The following TET2 variants were observed in gnomAD, a reference collection of about 807,000 sequenced individuals.
The protein encoded by TET2 is tet methylcytosine dioxygenase 2, also known as methylcytosine dioxygenase TET2.
Under a neutral mutation model 142.9 loss-of-function variants are expected in TET2, and 299 were observed. The observed-to-expected ratio is 2.09, with a 90% CI of 1.90 to 2.30. The LOEUF is 2.30. Ranked by LOEUF, TET2 falls within the 30% of genes most tolerant of loss-of-function variation. The pLI is 0.00. For missense variants in TET2, 2,418 were observed against 2,378.0 expected (o/e 1.02, Z -0.35); for synonymous variants, 819 against 849.0 (o/e 0.96, Z 0.61).
In TET2 at chr4:105,241,436, AACGC is replaced by A; in HGVS notation, c.3500+9_3500+12del. 6.5e-7 allele frequency: 1 copy of A among 1,549,294 alleles called. No homozygotes were observed. ...GAGAAATCATGGAAGAAAGGTAATTAACGCAAAGGCACAGGGCAGATTAACGTTT... is the reference window on the plus strand; with the variant it reads ...GAGAAATCATGGAAGAAAGGTAATTAAAAGGCACAGGGCAGATTAACGTTT... On this transcript the variant is annotated splice_region_variant and intron_variant, in intron 4 of 10. Transcript: ENST00000380013.
rs1204136165 is a variant in TET2, at chr4:105,275,897, G to A, written c.5387G>A (p.Gly1796Glu). 6.4e-7 allele frequency: 1 copy of A among 1,551,980 alleles called. No individual in the cohort carries two copies. Among genetic ancestry groups the A allele is most frequent in the Non-Finnish European group, 8.7e-7 (1 of 1,147,034 alleles). The change falls in exon 11 of 11, where the codon GGG (glycine) becomes GAG (glutamate). Residue 1796 changes from glycine (G) to glutamate (E), a missense_variant. Gly to Glu is a moderately conservative substitution (Grantham distance 98). Transcript: ENST00000380013. ...ENDMLSHTAN[G>E]LSKMLPALNH... ...GACATGCTTTCCCACACAGCTAATG[G>A]GTTATCAAAGATGCTTCCAGCTCTT... is the stretch of plus-strand genomic sequence containing the variant.
intron 10 of TET2, 73 bp from the exon 11 acceptor site, chr4:105,274,975 C>A (rs2110310663): frequency 6.9e-7 from 1 of 1,449,230 alleles, no homozygotes; most frequent in Non-Finnish European, 9.1e-7. Context: ...ATTTAAGTAT[C>A]CTCACTAGCC....
chr4:105,240,597 G>T, intron 3 of TET2: 1 of 1,079,644 alleles, frequency 9.3e-7, no homozygotes, highest in Non-Finnish European at 1.1e-6. Flanking sequence ...CCCTCTTTGC[G>T]TGTGGTTATT....
intron 2 of TET2, among the ~76,000 whole-genome samples, chr4:105,193,073 T>A (rs186161559): frequency 6.6e-6 from 1 of 152,156 alleles, no homozygotes; most frequent in Non-Finnish European, 1.5e-5. Context: ...GTAAGTGATA[T>A]GGACAAGAAC....
chr4:105,236,146 G>GT lies in TET2; in HGVS notation c.2206dup (p.Ser736PhefsTer18). ...GCAGCACAAACACAACCATCCCAGA[G>GT]TTCACATCTCCCTCAAAACCAGCAA... On this transcript the variant is annotated frameshift_variant, in exon 3 of 11. Transcript: ENST00000380013. LOFTEE classifies it high-confidence loss of function. 6.2e-7 allele frequency: 1 copy of GT among 1,613,986 alleles called. No individual in the cohort carries two copies. The highest frequency in any genetic ancestry group is 8.5e-7 in the Non-Finnish European group (1 of 1,179,988).
chr4:105,164,773 G>A (rs1207299048), intron 1 of TET2, among the ~76,000 whole-genome samples: 1 of 152,176 alleles, frequency 6.6e-6, no homozygotes, highest in Non-Finnish European at 1.5e-5. Flanking sequence ...ACCTGACAGG[G>A]AGATTGCACA....
At chr4:105,198,569 A>G (rs1726238015) in intron 2 of TET2, among the ~76,000 whole-genome samples, 2 of 152,232 alleles carry the variant, frequency 1.3e-5, no homozygotes, top group Admixed American at 1.3e-4. Flanking sequence ...AGTTATGGAG[A>G]AAGAAGCAGT....
chr4:105,193,293 G>A (rs1725894204), intron 2 of TET2, among the ~76,000 whole-genome samples: 1 of 152,150 alleles, frequency 6.6e-6, no homozygotes. Flanking sequence ...GGGCCAGGCA[G>A]AGGGCAAGTG....
At chr4:105,151,859 G>A (rs2110347249) in intron 1 of TET2, among the ~76,000 whole-genome samples, 1 of 152,286 alleles carries the variant, frequency 6.6e-6, no homozygotes, top group African/African-American at 2.4e-5. Context: ...TGGATGACCT[G>A]AGGTCAGGAG....
In TET2 at chr4:105,269,629, C is replaced by T. The variant is rs1730851343; in HGVS notation, c.4064C>T (p.Ala1355Val). ...TTTCAGATTGAATATGAACACAGAG[C>T]ACCAGAGTGCCGTCTGGGTCTGAAG... ...YNNQIEYEHR[A>V]PECRLGLKEG... The change falls in exon 9 of 11, where the codon GCA becomes GTA. Residue 1355 changes from alanine to valine, a missense_variant. By Grantham distance (64) the Ala-to-Val change is moderately conservative. Transcript: ENST00000380013. The T allele has an allele frequency of 6.4e-7, 1 of 1,551,530 alleles. No individual in the cohort carries two copies. Among genetic ancestry groups the T allele is most frequent in the Non-Finnish European group, 8.7e-7 (1 of 1,146,916 alleles).
In TET2 at chr4:105,277,332, T is replaced by A. The variant is rs920228832; in HGVS notation, c.*813T>A. 4.5e-6 allele frequency: 1 copy of A among 224,486 alleles called. No individual in the cohort carries two copies. Among genetic ancestry groups the A allele is most frequent in the African/African-American group, 2.2e-5 (1 of 44,894 alleles). The allele number at this position is 224,486 out of a possible 1,614,324, so 13.9% of individuals were successfully genotyped here. ...ATCCAGTGAAGTCCTTGTAGGACAA[T>A]AAACGTATATATGTACATATATACA... On this transcript the variant is annotated 3_prime_UTR_variant, in exon 11 of 11. Transcript: ENST00000380013.
intron 2 of TET2, among the ~76,000 whole-genome samples, chr4:105,204,266 C>CACACACACACACACACACAT (rs1443852779): frequency 3.6e-5 from 5 of 140,094 alleles, no homozygotes; most frequent in African/African-American, 1.2e-4. Flanking sequence ...CACACACACA[C>CACACACACACACACACACAT]ACATACATAC....
chr4:105,194,089 C>G (rs1578594729), intron 2 of TET2, among the ~76,000 whole-genome samples: 1 of 151,952 alleles, frequency 6.6e-6, no homozygotes, highest in African/African-American at 2.4e-5. Flanking sequence ...TGGTCTAGCC[C>G]AGGTCTCCAT....
intron 6 of TET2, among the ~76,000 whole-genome samples, chr4:105,244,497 A>C (rs1242011031): frequency 6.6e-6 from 1 of 151,738 alleles, no homozygotes; most frequent in Non-Finnish European, 1.5e-5. Context: ...CAGTTGGAAA[A>C]AGCCTCATTT....
At chr4:105,239,902 G>A (rs1021177782) in intron 3 of TET2, 31 of 238,978 alleles carry the variant, frequency 1.3e-4, no homozygotes, top group African/African-American at 6.4e-4. Context: ...CCACTGTAGG[G>A]TTATTAATTG....
chr4:105,153,001 C>G (rs954027706), intron 1 of TET2, among the ~76,000 whole-genome samples: 1 of 152,100 alleles, frequency 6.6e-6, no homozygotes, highest in African/African-American at 2.4e-5. Context: ...TTTCTACAGG[C>G]TATGGCAATT....
chr4:105,164,982 G>A (rs1724077802), intron 1 of TET2, among the ~76,000 whole-genome samples: 1 of 152,138 alleles, frequency 6.6e-6, no homozygotes. Flanking sequence ...TAGCAGGCAT[G>A]ATTTAAAAAG....
chr4:105,259,872 C>A, intron 7 of TET2, 103 bp downstream of exon 7: 1 of 1,175,206 alleles, frequency 8.5e-7, no homozygotes, highest in Non-Finnish European at 1.1e-6. Context: ...TCTTATTAAT[C>A]AAAGTTTTTC....
At position 105,237,283 on chromosome 4, in the gene TET2, C is replaced by G. The variant is rs564371231; in HGVS notation, c.3341C>G (p.Thr1114Ser). 1 of 1,614,056 alleles carries G rather than the reference C, an allele frequency of 6.2e-7. No individual in the cohort carries two copies. Among genetic ancestry groups the G allele is most frequent in the African/African-American group, 1.3e-5 (1 of 75,030 alleles). Residue 1114 changes from threonine (T) to serine (S), a missense_variant, in exon 3 of 11, where the codon ACT (threonine) becomes AGT (serine). Coordinates refer to ENST00000380013, the MANE Select transcript of TET2 (RefSeq NM_001127208.3). The stretch of plus-strand genomic sequence containing the variant: ...GAGTCACCTTCCAAATTACTAGATA[C>G]TCCTATAAAAAATTTATTGGATACA... ...FIESPSKLLD[T>S]PIKNLLDTPV...
Sources: gnomAD v4.1 joint callset for allele counts (sites outside exome capture counted in the v4.1 genomes callset) on GRCh38, gnomAD v4.1.1 for gene constraint, MANE v1.5 for transcripts, NCBI Gene and HGNC (gene_info 2026-07-23, HGNC 2026-07-21) for gene names.